The following PIP5K1A variants were observed in gnomAD, a reference collection of about 807,000 sequenced individuals.
PIP5K1A encodes phosphatidylinositol 4-phosphate 5-kinase type-1 alpha.
A neutral mutation model predicts 72.9 loss-of-function variants in PIP5K1A; 46 were observed. The observed-to-expected ratio is 0.63, with a 90% CI of 0.50 to 0.81. The LOEUF (loss-of-function observed/expected upper bound fraction) is 0.81, where lower values mean the gene tolerates loss of function less well. PIP5K1A is among the 30% of genes least tolerant of loss of function. PIP5K1A has a pLI of 0.00. For synonymous variants in PIP5K1A, 228 were observed against 255.1 expected, an observed-to-expected ratio of 0.89 and a Z score of 1.01; for missense variants, 458 against 706.1, an observed-to-expected ratio of 0.65 and a Z score of 3.98.
At chr1:151,196,536 G>A (rs1372792352), upstream of PIP5K1A, among the ~76,000 whole-genome samples, 2 of 147,998 alleles carry the variant, frequency 1.4e-5, no homozygotes, top group African/African-American at 4.9e-5. Context: ...GAAGGCTGCA[G>A]TAAATGCATG....
chr1:151,231,730 C>T lies in PIP5K1A; in HGVS notation c.297C>T (p.Ser99=). The T allele has an allele frequency of 1.2e-6, 2 of 1,613,134 alleles. No individual in the cohort carries two copies. The highest frequency in any genetic ancestry group is 1.7e-6 in the Non-Finnish European group (2 of 1,179,106). ...IQLGITHTVG[S]LSTKPERDVL... is the part of the protein sequence containing the mutation. ...TAGGCATTACCCACACTGTGGGGAG[C>T]CTGAGTACCAAACCAGAGCGTGATG... Residue 99 remains serine, a synonymous_variant, in exon 5 of 16, where the codon AGC becomes AGT. Coordinates refer to ENST00000368888, the MANE Select transcript of PIP5K1A (RefSeq NM_001135638.2).
chr1:151,198,078 A>G, upstream of PIP5K1A: 1 of 470,996 alleles, frequency 2.1e-6, no homozygotes, highest in South Asian at 1.5e-5. Context: ...GCTTGAGGCA[A>G]ACAAAACACA....
At chr1:151,246,722 A>G (rs915406348) in intron 14 of PIP5K1A, among the ~76,000 whole-genome samples, 198 bp from the exon 15 acceptor site, 1 of 152,180 alleles carries the variant, frequency 6.6e-6, no homozygotes, top group Non-Finnish European at 1.5e-5. Flanking sequence ...GAAATATTTT[A>G]TAGTATTCAA....
In PIP5K1A at chr1:151,234,453, A is replaced by C. The variant is rs374846839; in HGVS notation, c.896A>C (p.Asp299Ala). ...CCTGATGGTCTTTTTTTGGATGCTG[A>C]CATGTACAACGCTCTCTGTAAGACC... The part of the protein sequence containing the change: ...DIPDGLFLDA[D>A]MYNALCKTLQ... The change falls in exon 8 of 16, where the codon GAC (aspartate) becomes GCC (alanine). Residue 299 changes from aspartate (D) to alanine (A), a missense_variant. Transcript: ENST00000368888. The C allele has an allele frequency of 6.2e-7, 1 of 1,613,962 alleles. No homozygotes were observed. The highest frequency in any genetic ancestry group is 8.5e-7 in the Non-Finnish European group (1 of 1,179,962).
chr1:151,247,737 T>C, intron 15 of PIP5K1A, 126 bp from the exon 16 acceptor site: 1 of 795,398 alleles, frequency 1.3e-6, no homozygotes, highest in Non-Finnish European at 2.1e-6. Flanking sequence ...ATCTTGTTTT[T>C]TAAAAAATAT....
intron 1 of PIP5K1A, among the ~76,000 whole-genome samples, chr1:151,211,088 G>T (rs923006781): frequency 3.9e-5 from 6 of 152,176 alleles, no homozygotes; most frequent in Non-Finnish European, 8.8e-5. Flanking sequence ...AGTAGATGAT[G>T]TCATTGCATC....
At chr1:151,241,804 A>G (rs1223274735) in intron 12 of PIP5K1A, among the ~76,000 whole-genome samples, 3 of 150,638 alleles carry the variant, frequency 2.0e-5, no homozygotes, top group Non-Finnish European at 4.4e-5. Flanking sequence ...CCATCTCAAA[A>G]AAAAAAAAAA....
intron 1 of PIP5K1A, among the ~76,000 whole-genome samples, chr1:151,200,047 T>C (rs1044551048): frequency 4.6e-5 from 7 of 152,034 alleles, no homozygotes; most frequent in African/African-American, 1.7e-4. Context: ...AATGGAAATT[T>C]TGAAGAGAGT....
chr1:151,241,905 CCTTT>C (rs1691781455), intron 12 of PIP5K1A, among the ~76,000 whole-genome samples: 2 of 151,932 alleles, frequency 1.3e-5, no homozygotes, highest in Admixed American at 6.6e-5. Context: ...GGATATGTTT[CCTTT>C]CTTCTAGGTT....
chr1:151,203,376 A>C (rs751597690), intron 1 of PIP5K1A, among the ~76,000 whole-genome samples: 30 of 151,982 alleles, frequency 2.0e-4, no homozygotes, highest in Non-Finnish European at 4.3e-4. Flanking sequence ...TAAAAATACA[A>C]AAATTAGCCG....
At chr1:151,200,570 C>T (rs1685080650) in intron 1 of PIP5K1A, among the ~76,000 whole-genome samples, 1 of 152,004 alleles carries the variant, frequency 6.6e-6, no homozygotes, top group Non-Finnish European at 1.5e-5. Context: ...CCTGGTGTTG[C>T]GTTTTTGCTG....
intron 3 of PIP5K1A, among the ~76,000 whole-genome samples, chr1:151,225,218 C>A (rs587709935): frequency 6.6e-6 from 1 of 152,114 alleles, no homozygotes; most frequent in South Asian, 2.1e-4. Flanking sequence ...CCCAGCTACT[C>A]GGGATTGCTT....
Position 151,247,895 on chromosome 1 carries a change from AT to A in PIP5K1A, c.*32del. ...AAAGCCTCAGAAGACCTGGAACAAG[AT>A]TCTGCCATCTCTGTGATCCCAAGAT... On this transcript the variant is annotated 3_prime_UTR_variant, in exon 16 of 16. Transcript: ENST00000368888. The A allele has an allele frequency of 1.2e-6, 2 of 1,601,556 alleles. No individual in the cohort carries two copies. The highest frequency in any genetic ancestry group is 1.7e-6 in the Non-Finnish European group (2 of 1,168,600).
rs188226304 is a variant in PIP5K1A at position 151,239,952 on chromosome 1, C to T, written c.1279-3C>T. ...ACTCTATAGCATTTCTTCTGCTCTG[C>T]AGGACACTGTCTCAGTGCATCGCCC... On this transcript the variant is annotated splice_polypyrimidine_tract_variant and splice_region_variant and intron_variant, in intron 11 of 15. Transcript: ENST00000368888. 1.5e-5 allele frequency: 24 copies of T among 1,609,464 alleles called. No homozygotes were observed. Among genetic ancestry groups the T allele is most frequent in the Middle Eastern group, 1.7e-4 (1 of 6,046 alleles).
chr1:151,238,971 A>G (rs1183438014), intron 10 of PIP5K1A, among the ~76,000 whole-genome samples, 159 bp from the exon 11 acceptor site: 11 of 152,224 alleles, frequency 7.2e-5, no homozygotes, highest in Non-Finnish European at 1.5e-5. Context: ...CAGCACTGCC[A>G]TGCCTGTTCT....
chr1:151,208,901 T>C (rs926152857), intron 1 of PIP5K1A, among the ~76,000 whole-genome samples: 4 of 151,272 alleles, frequency 2.6e-5, no homozygotes, highest in Admixed American at 2.6e-4. Context: ...CCCGGCTAAC[T>C]TTTTGTATTT....
chr1:151,206,533 TTTAA>T (rs1381763995), intron 1 of PIP5K1A, among the ~76,000 whole-genome samples: 12 of 152,092 alleles, frequency 7.9e-5, no homozygotes, highest in African/African-American at 2.7e-4. Flanking sequence ...TTTTAGGATA[TTTAA>T]TTAGAGTATA....
intron 4 of PIP5K1A, among the ~76,000 whole-genome samples, chr1:151,231,303 TG>T (rs935933960): frequency 4.3e-4 from 65 of 151,788 alleles, no homozygotes; most frequent in African/African-American, 1.5e-3. Flanking sequence ...AGATACACTC[TG>T]GGGGCAGAAA....
At chr1:151,197,009 C>T (rs189056537), upstream of PIP5K1A, among the ~76,000 whole-genome samples, 1,425 of 151,816 alleles carry the variant, frequency 9.4e-3, 11 homozygotes, top group South Asian at 0.024. Flanking sequence ...TACAGGCACC[C>T]GCCACCACGC....
Sources: gnomAD v4.1 joint callset for allele counts (sites outside exome capture counted in the v4.1 genomes callset) on GRCh38, gnomAD v4.1.1 for gene constraint, MANE v1.5 for transcripts, NCBI Gene and HGNC (gene_info 2026-07-23, HGNC 2026-07-21) for gene names.